The following RBMS3 variants were observed in gnomAD, a reference collection of about 807,000 sequenced individuals.
The protein encoded by RBMS3 is RNA binding motif single stranded interacting protein 3, also known as RNA-binding motif, single-stranded-interacting protein 3.
RBMS3 carries 27 observed loss-of-function variants against 66.8 expected under a neutral mutation model. The observed-to-expected ratio is 0.40, with a 90% CI of 0.30 to 0.56. The LOEUF (loss-of-function observed/expected upper bound fraction) is 0.56, where lower values mean the gene tolerates loss of function less well. Among genes scored for constraint, RBMS3 ranks in the 20% least tolerant of loss-of-function variants. The pLI is 0.40. For missense variants in RBMS3, 513 were observed against 549.5 expected, an observed-to-expected ratio of 0.93 and a Z score of 0.66; for synonymous variants, 188 against 183.0, an observed-to-expected ratio of 1.03 and a Z score of -0.22.
intron 4 of RBMS3, among the ~76,000 whole-genome samples, chr3:29,605,523 G>T (rs562399117): frequency 2.5e-3 from 383 of 151,924 alleles, no homozygotes; most frequent in Non-Finnish European, 4.1e-3. Context: ...TGTACTTCAT[G>T]GTAGATCCTG....
intron 4 of RBMS3, among the ~76,000 whole-genome samples, chr3:29,650,279 C>CT (rs560594950): frequency 0.022 from 2,149 of 96,210 alleles, 37 homozygotes; most frequent in African/African-American, 0.071. Context: ...TCCTTTCTTT[C>CT]TTTTTTTTTT....
intron 1 of RBMS3, among the ~76,000 whole-genome samples, chr3:29,345,367 T>C (rs1374432673): frequency 6.6e-6 from 1 of 152,218 alleles, no homozygotes; most frequent in African/African-American, 2.4e-5. Flanking sequence ...GATTTCAGTT[T>C]TCTTGACTGA....
At chr3:29,355,373 A>G (rs2037160353) in intron 1 of RBMS3, among the ~76,000 whole-genome samples, 1 of 152,150 alleles carries the variant, frequency 6.6e-6, no homozygotes, top group African/African-American at 2.4e-5. Flanking sequence ...GTGATACAGA[A>G]AAACAACACC....
At chr3:29,384,426 T>TAAGAAGAAG (rs1260902457) in intron 1 of RBMS3, among the ~76,000 whole-genome samples, 1 of 93,432 alleles carries the variant, frequency 1.1e-5, no homozygotes, top group African/African-American at 3.8e-5. Context: ...CCAATAATAA[T>TAAGAAGAAG]AATAATAATA....
chr3:29,883,910 A>G (rs1273037879), intron 7 of RBMS3, among the ~76,000 whole-genome samples: 1 of 152,034 alleles, frequency 6.6e-6, no homozygotes. Flanking sequence ...AGAAGTAAAA[A>G]TGGAAATCAT....
At chr3:29,376,336 T>C (rs942039281) in intron 1 of RBMS3, among the ~76,000 whole-genome samples, 2 of 152,212 alleles carry the variant, frequency 1.3e-5, no homozygotes, top group African/African-American at 4.8e-5. Flanking sequence ...CCTGTGCATA[T>C]ATCCCTCAAC....
chr3:29,760,516 T>A (rs2055632503), intron 5 of RBMS3, among the ~76,000 whole-genome samples: 2 of 152,056 alleles, frequency 1.3e-5, no homozygotes, highest in African/African-American at 4.8e-5. Flanking sequence ...TCTGTAGTAA[T>A]TAAGGGCTTA....
chr3:29,538,362 T>C (rs114816214), intron 3 of RBMS3, among the ~76,000 whole-genome samples: 2,262 of 152,240 alleles, frequency 0.015, 21 homozygotes, highest in Non-Finnish European at 0.023. Context: ...GAACTAGAAA[T>C]AGTAAACCAA....
At chr3:29,676,873 G>T (rs1197058900) in intron 4 of RBMS3, among the ~76,000 whole-genome samples, 1 of 151,944 alleles carries the variant, frequency 6.6e-6, no homozygotes, top group Non-Finnish European at 1.5e-5. Context: ...TGCTGTATTA[G>T]TCCATTCTTG....
chr3:29,505,597 T>A (rs1332379600), intron 3 of RBMS3, among the ~76,000 whole-genome samples: 1 of 151,554 alleles, frequency 6.6e-6, no homozygotes, highest in South Asian at 2.1e-4. Flanking sequence ...ATTTTAGGAC[T>A]TTTTTTTATT....
intron 1 of RBMS3, among the ~76,000 whole-genome samples, chr3:29,320,906 C>T (rs1375264958): frequency 6.6e-6 from 1 of 151,396 alleles, no homozygotes; most frequent in African/African-American, 2.4e-5. Flanking sequence ...AGCCATGGCT[C>T]CAGTACTCTG....
Position 29,554,648 on chromosome 3 carries a change from A to G in RBMS3, c.308-32466A>G, listed in dbSNP as rs921134944. On this transcript the variant is annotated intron_variant, in intron 3 of 14. Coordinates refer to ENST00000383767, the MANE Select transcript of RBMS3 (RefSeq NM_001003793.3). ...AAGATTTTAAGCTAGGCTTTTCAGG[A>G]TGTGTAAAATTTAGACAAGGAAAAA... 2.0e-5 allele frequency among the ~76,000 whole-genome samples: 3 copies of G among 152,322 alleles called. No individual in the cohort carries two copies. The East Asian group carries it at 5.8e-4, about 29-fold the overall frequency.
chr3:29,357,748 A>G (rs148001066), intron 1 of RBMS3, among the ~76,000 whole-genome samples: 6,180 of 152,108 alleles, frequency 0.041, 153 homozygotes, highest in Middle Eastern at 0.071. Flanking sequence ...ATTCTAATTG[A>G]TGTGAGATGA....
At position 29,658,049 on chromosome 3, in the gene RBMS3, G is replaced by T. The variant is rs1418260005; in HGVS notation, c.399+70844G>T. Among the ~76,000 whole-genome samples, 59 of 152,136 alleles carry T rather than the reference G, an allele frequency of 3.9e-4. 1 individual carries two copies. Among genetic ancestry groups the T allele is most frequent in the Non-Finnish European group, 5.9e-5 (4 of 68,032 alleles). On this transcript the variant is annotated intron_variant, in intron 4 of 14. Coordinates refer to ENST00000383767, the MANE Select transcript of RBMS3 (RefSeq NM_001003793.3). Reference sequence around the variant, plus strand: ...AGAGTTCTATAAATGGACTACCCAGGTTTAAATCCTAGGTATACCAAATGC... The same window carrying T: ...AGAGTTCTATAAATGGACTACCCAGTTTTAAATCCTAGGTATACCAAATGC...
chr3:29,778,904 A>G (rs1286894149), intron 6 of RBMS3, among the ~76,000 whole-genome samples: 1 of 151,902 alleles, frequency 6.6e-6, no homozygotes, highest in Non-Finnish European at 1.5e-5. Flanking sequence ...GGGATACACT[A>G]TAGGAGAAAA....
chr3:29,431,482 G>A (rs940985731), intron 1 of RBMS3, among the ~76,000 whole-genome samples: 3 of 151,502 alleles, frequency 2.0e-5, no homozygotes, highest in Non-Finnish European at 4.4e-5. Context: ...TAGTAGAGAT[G>A]GGGTTTCACT....
intron 8 of RBMS3, among the ~76,000 whole-genome samples, chr3:29,895,680 A>G (rs2149600053): frequency 6.6e-6 from 1 of 151,716 alleles, no homozygotes; most frequent in Middle Eastern, 3.4e-3. Context: ...AAGCATGAAT[A>G]AAGTCTGTAT....
At chr3:29,496,992 G>A (rs574934582) in intron 3 of RBMS3, among the ~76,000 whole-genome samples, 8 of 151,844 alleles carry the variant, frequency 5.3e-5, no homozygotes, top group African/African-American at 1.5e-4. Context: ...CATGCAGAAC[G>A]TGCAGAAATG....
At chr3:29,859,413 G>A (rs564537377) in intron 6 of RBMS3, among the ~76,000 whole-genome samples, 1 of 152,196 alleles carries the variant, frequency 6.6e-6, no homozygotes, top group South Asian at 2.1e-4. Flanking sequence ...TGGTAAAGAG[G>A]GTAGAAAGTA....
Sources: gnomAD v4.1 joint callset for allele counts (sites outside exome capture counted in the v4.1 genomes callset) on GRCh38, gnomAD v4.1.1 for gene constraint, MANE v1.5 for transcripts, NCBI Gene and HGNC (gene_info 2026-07-23, HGNC 2026-07-21) for gene names.